MUC4: variants seen among roughly 807,000 people sequenced by gnomAD.
The protein encoded by MUC4 is mucin-4.
Under a neutral mutation model 257.9 loss-of-function variants are expected in MUC4, and 202 were observed. That is an observed-to-expected ratio of 0.78 (90% confidence interval 0.70 to 0.88). The LOEUF (loss-of-function observed/expected upper bound fraction) is 0.88. Among genes scored for constraint, MUC4 ranks in the 40% least tolerant of loss-of-function variants. The probability of loss-of-function intolerance (pLI) is 0.00; values close to 1 mark genes in which losing one functional copy is unlikely to be tolerated. For synonymous variants in MUC4, 2,351 were observed against 2,757.1 expected (o/e 0.85, Z 4.62); for missense variants, 5,976 against 6,513.7 (o/e 0.92, Z 2.84).
chr3:195,788,637 G>T lies in MUC4; in HGVS notation c.2943C>A (p.Tyr981Ter), dbSNP rs200091457. ...ISNATPLPVT[Y>*]ASSASTGHTT... is the part of the protein sequence containing the mutation. ...TGTGACCTGTGGATGCCGAGGAAGC[G>T]TAGGTGACAGGAAGAGGGGTGGCGT... Residue 981 changes from tyrosine to a stop codon, truncating the protein, a stop_gained, in exon 2 of 25, where the codon TAC becomes TAA. Transcript: ENST00000463781. LOFTEE classifies it high-confidence loss of function. 1 of 1,583,356 alleles carries T rather than the reference G, an allele frequency of 6.3e-7. No individual in the cohort carries two copies. Among genetic ancestry groups the T allele is most frequent in the Non-Finnish European group, 8.6e-7 (1 of 1,163,590 alleles).
Position 195,790,353 on chromosome 3 carries a change from C to G in MUC4, c.1227G>C (p.Glu409Asp). The G allele has an allele frequency of 7.4e-6, 12 of 1,613,876 alleles. No individual in the cohort carries two copies. Among genetic ancestry groups the G allele is most frequent in the Non-Finnish European group, 1.0e-5 (12 of 1,179,780 alleles). The change falls in exon 2 of 25, where the codon GAG becomes GAC. Residue 409 changes from glutamate to aspartate, a missense_variant. Coordinates refer to ENST00000463781, the MANE Select transcript of MUC4 (RefSeq NM_018406.7). ...SRDSTLGNTE[E>D]TSLSVSGTIS... ...TGGTTCCACTTACAGATAGTGATGT[C>G]TCCTCTGTGTTTCCAAGAGTAGAGT... is the stretch of plus-strand genomic sequence containing the variant.
rs747743985 is a variant in MUC4, at chr3:195,786,508, G to A, written c.5072C>T (p.Thr1691Ile). 3.3e-6 allele frequency: 5 copies of A among 1,527,216 alleles called. No homozygotes were observed. The highest frequency in any genetic ancestry group is 2.5e-5 in the East Asian group (1 of 40,064). The allele number at this position is 1,527,216 out of a possible 1,614,324, so 94.6% of individuals were successfully genotyped here. Reference sequence around the variant, plus strand: ...GACAGGAAGACGGGTGGTGTCATCTGTGGTAGCTGAGGAAAGGCCGGTGAC... The same window carrying A: ...GACAGGAAGACGGGTGGTGTCATCTATGGTAGCTGAGGAAAGGCCGGTGAC... ...LPVTGLSSAT[T>I]DDTTRLPVTD... Residue 1691 changes from threonine (T) to isoleucine (I), a missense_variant, in exon 2 of 25, where the codon ACA (threonine) becomes ATA (isoleucine). Coordinates refer to ENST00000463781, the MANE Select transcript of MUC4 (RefSeq NM_018406.7).
chr3:195,792,064 G>T (rs1335931308), intron 1 of MUC4, among the ~76,000 whole-genome samples: 1 of 152,148 alleles, frequency 6.6e-6, no homozygotes, highest in Non-Finnish European at 1.5e-5. Context: ...TACCATTCAG[G>T]ACATAGACAT....
Position 195,780,045 on chromosome 3 carries a change from G to C in MUC4, c.11535C>G (p.Ile3845Met). 2.7e-6 allele frequency: 2 copies of C among 733,288 alleles called. 1 individual carries two copies. Among genetic ancestry groups the C allele is most frequent in the Non-Finnish European group, 3.5e-6 (2 of 572,322 alleles). The allele number at this position is 733,288 out of a possible 1,614,324, so 45.4% of individuals were successfully genotyped here. Residue 3845 changes from isoleucine (I) to methionine (M), a missense_variant, in exon 2 of 25, where the codon ATC becomes ATG. Coordinates refer to ENST00000463781, the MANE Select transcript of MUC4 (RefSeq NM_018406.7). ...TGHATPLPVT[I>M]PSSVSTGDTM... ...TGTCACCTGTGGATACTGAGGAAGG[G>C]ATGGTGACAGGAAGAGGGGTGGCGT...
intron 7 of MUC4, among the ~76,000 whole-genome samples, chr3:195,767,034 A>G (rs1332459825): frequency 1.3e-5 from 2 of 152,158 alleles, no homozygotes; most frequent in Non-Finnish European, 2.9e-5. Flanking sequence ...GCGTGAAAAC[A>G]ACAGAGTTCA....
rs1233458160 is a variant in MUC4, at chr3:195,769,098, A to G, written c.13453T>C (p.Phe4485Leu). 6.2e-7 allele frequency: 1 copy of G among 1,614,150 alleles called. No homozygotes were observed. The highest frequency in any genetic ancestry group is 8.5e-7 in the Non-Finnish European group (1 of 1,180,004). The change falls in exon 7 of 25, where the codon TTT becomes CTT. Residue 4485 changes from phenylalanine (F) to leucine (L), a missense_variant. Phe to Leu is a conservative substitution (Grantham distance 22, BLOSUM62 0). Coordinates refer to ENST00000463781, the MANE Select transcript of MUC4 (RefSeq NM_018406.7). The part of the protein sequence containing the change: ...STDGSRSYAL[F>L]LYQSGGMQWD... ...TGCATCCCACCGCTCTGGTAGAGAAACAGGGCATAGGACCTGCTCCCGTCC... is the reference window on the plus strand; with the variant it reads ...TGCATCCCACCGCTCTGGTAGAGAAGCAGGGCATAGGACCTGCTCCCGTCC...
At chr3:195,778,517 A>G in intron 2 of MUC4, 62 bp from the exon 3 acceptor site, 3 of 1,584,822 alleles carry the variant, frequency 1.9e-6, no homozygotes, top group Non-Finnish European at 2.6e-6. Flanking sequence ...AGAGTCAAAG[A>G]GATTCAAAGA....
In MUC4 at chr3:195,788,903, A is replaced by T. The variant is rs1357567145; in HGVS notation, c.2677T>A (p.Ser893Thr). 1 of 1,613,222 alleles carries T rather than the reference A, an allele frequency of 6.2e-7. No homozygotes were observed. Among genetic ancestry groups the T allele is most frequent in the South Asian group, 1.1e-5 (1 of 91,034 alleles). Residue 893 changes from serine to threonine, a missense_variant, in exon 2 of 25, where the codon TCT becomes ACT. Ser to Thr is a moderately conservative substitution (Grantham distance 58, BLOSUM62 1). Around this residue, in one of 44 missense-constraint regions of MUC4, gnomAD observed 1,583 missense variants for 1,257.4 expected, o/e 1.26. Transcript: ENST00000463781. ...GTCTCCTGAGGAGAGGCACTGGGAG[A>T]AGTTGGGCTTGACTGTCCTGTCGGT... is the stretch of plus-strand genomic sequence containing the variant. The part of the protein sequence containing the change: ...GRPTGQSSPT[S>T]PSASPQETAA...
intron 1 of MUC4, chr3:195,809,798 A>G (rs1052254939): frequency 3.3e-5 from 5 of 152,288 alleles, no homozygotes; most frequent in Admixed American, 2.0e-4. Flanking sequence ...ACAGATTTGG[A>G]AACTCAAGAA....
intron 1 of MUC4, among the ~76,000 whole-genome samples, chr3:195,802,584 C>T (rs902113732): frequency 3.3e-5 from 5 of 151,990 alleles, no homozygotes; most frequent in Admixed American, 6.6e-5. Flanking sequence ...GCGTAGGTCC[C>T]GGGGGCGTGG....
rs879152702 is a variant in MUC4 at position 195,783,429 on chromosome 3, G to A, written c.8151C>T (p.Asp2717=). The change falls in exon 2 of 25, where the codon GAC becomes GAT. Residue 2717 remains aspartate, a synonymous_variant. Coordinates refer to ENST00000463781, the MANE Select transcript of MUC4 (RefSeq NM_018406.7). ...VTDTSSAYTG[D]TTSLPVTDTS... is the part of the protein sequence containing the mutation. ...TGTCGGTGACAGGAAGAGAGGTGGT[G>A]TCACCTGTGTATGCTGAGGAAGTGT... 4 of 588,124 alleles carry A rather than the reference G, an allele frequency of 6.8e-6. No individual in the cohort carries two copies. Among genetic ancestry groups the A allele is most frequent in the Non-Finnish European group, 9.8e-6 (4 of 406,798 alleles). The allele number at this position is 588,124 out of a possible 1,614,324, so 36.4% of individuals were successfully genotyped here.
Position 195,780,845 on chromosome 3 carries a change from T to A in MUC4, c.10735A>T (p.Thr3579Ser), listed in dbSNP as rs1553872179. 6.9e-7 allele frequency: 1 copy of A among 1,444,204 alleles called. No homozygotes were observed. Among genetic ancestry groups the A allele is most frequent in the African/African-American group, 2.2e-5 (1 of 45,810 alleles). The allele number at this position is 1,444,204 out of a possible 1,614,324, so 89.5% of individuals were successfully genotyped here. A position where few individuals can be genotyped will look rare whatever the true frequency, so the allele number is the denominator to read the frequency against. ...LPVTSLSSVS[T>S]GDTTPLLVTD... ...ACAAGAAGAGGGGTGGTGTCACCTGTGGATACTGAGGAAAGGCTGGTGACA... is the reference window on the plus strand; with the variant it reads ...ACAAGAAGAGGGGTGGTGTCACCTGAGGATACTGAGGAAAGGCTGGTGACA... The change falls in exon 2 of 25, where the codon ACA becomes TCA. Residue 3579 changes from threonine to serine, a missense_variant. Around this residue, in one of 44 missense-constraint regions of MUC4, gnomAD observed 59 missense variants for 149.8 expected, o/e 0.39. Coordinates refer to ENST00000463781, the MANE Select transcript of MUC4 (RefSeq NM_018406.7).
chr3:195,789,627 G>C lies in MUC4; in HGVS notation c.1953C>G (p.Thr651=). The C allele has an allele frequency of 6.2e-7, 1 of 1,614,014 alleles. No individual in the cohort carries two copies. Among genetic ancestry groups the C allele is most frequent in the Non-Finnish European group, 8.5e-7 (1 of 1,179,890 alleles). ...QAPQTTQESQ[T]TRSVSPMTDT... The stretch of plus-strand genomic sequence containing the variant: ...CAGTCATGGGGGAGACGGACCTCGT[G>C]GTTTGTGATTCTTGTGTGGTCTGCG... The change falls in exon 2 of 25, where the codon ACC becomes ACG. Residue 651 remains threonine, a synonymous_variant. Transcript: ENST00000463781.
In MUC4 at chr3:195,789,805, G is replaced by T; in HGVS notation, c.1775C>A (p.Thr592Lys). The T allele has an allele frequency of 2.5e-6, 4 of 1,614,042 alleles. No individual in the cohort carries two copies. Among genetic ancestry groups the T allele is most frequent in the Non-Finnish European group, 3.4e-6 (4 of 1,179,892 alleles). Reference protein sequence around the residue: ...PSYSVTQMIKTATSPSSSPML... With the variant: ...PSYSVTQMIKKATSPSSSPML... ...AGGTGAAGAAGATGGGGATGTGGCCGTTTTTATCATCTGAGTCACACTGTA... is the reference window on the plus strand; with the variant it reads ...AGGTGAAGAAGATGGGGATGTGGCCTTTTTTATCATCTGAGTCACACTGTA... Residue 592 changes from threonine to lysine, a missense_variant, in exon 2 of 25, where the codon ACG (threonine) becomes AAG (lysine). This residue lies in a region of MUC4 where 1,583 missense variants were observed against 1,257.4 expected (regional missense o/e 1.26). Coordinates refer to ENST00000463781, the MANE Select transcript of MUC4 (RefSeq NM_018406.7).
chr3:195,766,617 G>A (rs571995901), intron 8 of MUC4, 46 bp downstream of exon 8: 465 of 1,557,410 alleles, frequency 3.0e-4, no homozygotes, highest in Middle Eastern at 6.8e-4. Flanking sequence ...TGGAGGACAC[G>A]CGAGGGCTTG....
intron 10 of MUC4, among the ~76,000 whole-genome samples, chr3:195,764,574 G>C (rs919855157): frequency 1.3e-5 from 2 of 152,038 alleles, no homozygotes; most frequent in African/African-American, 2.4e-5. Flanking sequence ...GGGAACTGTG[G>C]AAACTGCCAT....
chr3:195,763,319 C>A, intron 12 of MUC4, 114 bp downstream of exon 12: 1 of 1,108,652 alleles, frequency 9.0e-7, no homozygotes, highest in East Asian at 3.0e-5. Flanking sequence ...TGTGTCCTCC[C>A]TCCCTCCTGC....
intron 1 of MUC4, among the ~76,000 whole-genome samples, chr3:195,803,913 G>A (rs1217915149): frequency 6.6e-6 from 1 of 152,210 alleles, no homozygotes; most frequent in Non-Finnish European, 1.5e-5. Flanking sequence ...GGCCGAGCCA[G>A]GCACATTCTC....
At chr3:195,748,500 G>A (rs1293825645) in intron 24 of MUC4, among the ~76,000 whole-genome samples, 1 of 152,256 alleles carries the variant, frequency 6.6e-6, no homozygotes, top group Non-Finnish European at 1.5e-5. Context: ...GGAGAAGGAC[G>A]TTGCAGTGAG....
Sources: allele counts gnomAD v4.1 joint callset (sites outside exome capture counted in the v4.1 genomes callset), GRCh38; gene constraint gnomAD v4.1.1; regional missense constraint gnomAD v4.1.1; transcripts MANE v1.5; gene names NCBI Gene and HGNC (gene_info 2026-07-23, HGNC 2026-07-21).